Variants in JAK2 observed in about 807,000 individuals in gnomAD.
JAK2 encodes Janus kinase 2.
A neutral mutation model predicts 139.3 loss-of-function variants in JAK2; 86 were observed. The observed-to-expected ratio is 0.62, with a 90% CI of 0.52 to 0.74. The LOEUF is 0.74. Ranked by LOEUF, JAK2 falls within the 30% of genes least tolerant of loss-of-function variation. The probability of loss-of-function intolerance (pLI) is 0.00; values close to 1 mark genes in which losing one functional copy is unlikely to be tolerated. For missense variants in JAK2, 1,421 were observed against 1,360.3 expected, an observed-to-expected ratio of 1.04 and a Z score of -0.70; for synonymous variants, 490 against 437.7, an observed-to-expected ratio of 1.12 and a Z score of -1.49.
At chr9:5,071,533 A>G (rs1276177020) in intron 12 of JAK2, among the ~76,000 whole-genome samples, 2 of 152,216 alleles carry the variant, frequency 1.3e-5, no homozygotes, top group Admixed American at 1.3e-4. Flanking sequence ...AAAACAGAAT[A>G]TACAGGATGA....
chr9:5,092,474 G>A (rs1820662384), intron 22 of JAK2, among the ~76,000 whole-genome samples: 1 of 152,060 alleles, frequency 6.6e-6, no homozygotes, highest in Admixed American at 6.6e-5. Flanking sequence ...TGGTCACTTT[G>A]AGCCAACCCT....
intron 8 of JAK2, among the ~76,000 whole-genome samples, chr9:5,063,897 C>G (rs749955519): frequency 2.0e-5 from 3 of 152,212 alleles, no homozygotes; most frequent in Admixed American, 2.0e-4. Flanking sequence ...GTGACTCACG[C>G]GTGTAATCCC....
intron 22 of JAK2, among the ~76,000 whole-genome samples, 194 bp from the exon 23 acceptor site, chr9:5,122,810 G>A (rs1013612715): frequency 4.0e-5 from 6 of 151,832 alleles, no homozygotes; most frequent in African/African-American, 1.2e-4. Context: ...TTAGGGAATT[G>A]TGGAATCCCT....
chr9:5,085,198 G>A (rs1586761037), intron 19 of JAK2: 2 of 660,428 alleles, frequency 3.0e-6, no homozygotes, highest in African/African-American at 1.8e-5. Flanking sequence ...CATGATCATA[G>A]CATTCATTTC....
At chr9:5,033,651 G>A (rs575076828) in intron 4 of JAK2, among the ~76,000 whole-genome samples, 1 of 152,288 alleles carries the variant, frequency 6.6e-6, no homozygotes, top group South Asian at 2.1e-4. Flanking sequence ...AGCTTCATAT[G>A]TGAAGGAGAA....
At chr9:5,055,878 G>C in intron 8 of JAK2, 90 bp downstream of exon 8, 2 of 1,206,868 alleles carry the variant, frequency 1.7e-6, no homozygotes, top group Non-Finnish European at 1.2e-6. Context: ...TTATTTTCTG[G>C]TAGGAATTTT....
intron 16 of JAK2, among the ~76,000 whole-genome samples, chr9:5,079,896 T>G (rs1370782886): frequency 1.3e-5 from 2 of 152,098 alleles, no homozygotes; most frequent in Non-Finnish European, 2.9e-5. Flanking sequence ...TGAGACACTA[T>G]GGTTTAATGG....
chr9:5,014,212 C>T (rs1430154552), intron 2 of JAK2, among the ~76,000 whole-genome samples: 3 of 148,306 alleles, frequency 2.0e-5, no homozygotes, highest in African/African-American at 7.5e-5. Flanking sequence ...CTATGTTGCC[C>T]AGGCTGGACT....
chr9:5,111,763 T>C, intron 22 of JAK2: 1 of 422,290 alleles, frequency 2.4e-6, no homozygotes, highest in Non-Finnish European at 4.7e-6. Flanking sequence ...AAGTGAACGG[T>C]GGGCTTCCGG....
At chr9:5,109,679 C>T (rs1044760694) in intron 22 of JAK2, 1 of 152,160 alleles carries the variant, frequency 6.6e-6, no homozygotes, top group African/African-American at 2.4e-5. Flanking sequence ...TTATCTCAAA[C>T]TGACATTGAA....
chr9:5,105,076 A>AAG lies in JAK2; in HGVS notation c.3059+14167_3059+14168dup, dbSNP rs750691613. On this transcript the variant is annotated intron_variant, in intron 22 of 24. Transcript: ENST00000381652. ...CTGGCCAGGGCAATCAGGCAAGAGA[A>AAG]AGAAATAAAGGGTATTCAATTAGGA... Among the ~76,000 whole-genome samples the AAG allele has an allele frequency of 2.0e-5, 3 of 152,352 alleles. No individual in the cohort carries two copies. The South Asian group carries it at 6.2e-4, about 32-fold the overall frequency.
chr9:5,123,421 G>A (rs917632266), intron 23 of JAK2, among the ~76,000 whole-genome samples: 6 of 151,814 alleles, frequency 4.0e-5, no homozygotes, highest in Non-Finnish European at 5.9e-5. Flanking sequence ...GTCTTTCTAT[G>A]GCTGATTTGT....
In JAK2 at chr9:4,990,697, G is replaced by A. The variant is rs563613752; in HGVS notation, c.-26+4675G>A. Among the ~76,000 whole-genome samples the A allele has an allele frequency of 1.7e-4, 26 of 151,934 alleles. No individual in the cohort carries two copies. The South Asian group carries it at 4.4e-3, about 25-fold the overall frequency. ...CATTGGCAAGAAATGAGAAGAATCAGATCCAAAAAAAGGTCTTAAAAAGAT... is the reference window on the plus strand; with the variant it reads ...CATTGGCAAGAAATGAGAAGAATCAAATCCAAAAAAAGGTCTTAAAAAGAT... On this transcript the variant is annotated intron_variant, in intron 2 of 24. Transcript: ENST00000381652.
chr9:5,066,526 T>C, intron 9 of JAK2, 152 bp from the exon 10 acceptor site: 1 of 534,058 alleles, frequency 1.9e-6, no homozygotes, highest in South Asian at 2.6e-5. Context: ...GGTACTTTGA[T>C]TTTTTCCTTT....
intron 3 of JAK2, among the ~76,000 whole-genome samples, chr9:5,028,055 C>G (rs1822891940): frequency 6.6e-6 from 1 of 152,208 alleles, no homozygotes; most frequent in Non-Finnish European, 1.5e-5. Flanking sequence ...ATGGTGAACT[C>G]TTTCCATAAG....
chr9:5,007,689 G>T (rs947091799), intron 2 of JAK2, among the ~76,000 whole-genome samples: 2 of 151,234 alleles, frequency 1.3e-5, no homozygotes, highest in African/African-American at 4.9e-5. Flanking sequence ...TTTTGCACCA[G>T]TCTAATAATG....
intron 4 of JAK2, among the ~76,000 whole-genome samples, chr9:5,039,710 T>C (rs1355548870): frequency 2.0e-5 from 3 of 151,986 alleles, no homozygotes; most frequent in African/African-American, 7.2e-5. Context: ...AATCCAAAAA[T>C]GAAATTAAAA....
At chr9:5,093,960 C>G (rs1346384272) in intron 22 of JAK2, among the ~76,000 whole-genome samples, 1 of 152,086 alleles carries the variant, frequency 6.6e-6, no homozygotes, top group African/African-American at 2.4e-5. Context: ...CATAAAGTGC[C>G]CTCCCCCCAT....
intron 22 of JAK2, chr9:5,094,511 T>C (rs1346989252): frequency 6.6e-6 from 1 of 152,214 alleles, no homozygotes; most frequent in East Asian, 1.9e-4. Context: ...GAAGTCACCC[T>C]AGCCATTATC....
Sources: allele counts gnomAD v4.1 joint callset (sites outside exome capture counted in the v4.1 genomes callset), GRCh38; gene constraint gnomAD v4.1.1; transcripts MANE v1.5; gene names NCBI Gene and HGNC (gene_info 2026-07-23, HGNC 2026-07-21).